XKR6: variants seen among roughly 807,000 people sequenced by gnomAD.
XKR6 encodes XK related 6.
A neutral mutation model predicts 56.7 loss-of-function variants in XKR6; 22 were observed. The ratio of observed to expected loss-of-function variants is 0.39; its 90% CI spans 0.28 to 0.55. The LOEUF is 0.55. Among genes scored for constraint, XKR6 ranks in the 20% least tolerant of loss-of-function variants. XKR6 has a pLI of 0.66. For synonymous variants in XKR6, 524 were observed against 387.8 expected (o/e 1.35, Z -4.13); for missense variants, 852 against 889.0 (o/e 0.96, Z 0.53).
chr8:11,139,233 A>G (rs1243271915), intron 1 of XKR6, among the ~76,000 whole-genome samples: 3 of 152,242 alleles, frequency 2.0e-5, no homozygotes, highest in Non-Finnish European at 4.4e-5. Flanking sequence ...GTACAAAACT[A>G]TAATTTTCTC....
At chr8:11,134,113 G>C (rs1037984062) in intron 1 of XKR6, among the ~76,000 whole-genome samples, 1 of 152,108 alleles carries the variant, frequency 6.6e-6, no homozygotes, top group South Asian at 2.1e-4. Flanking sequence ...TTCATTTGGA[G>C]AACTCTTACA....
chr8:10,974,004 G>C (rs1009268254), intron 1 of XKR6, among the ~76,000 whole-genome samples: 35 of 152,148 alleles, frequency 2.3e-4, no homozygotes, highest in African/African-American at 7.7e-4. Flanking sequence ...GGAAATTAAA[G>C]TCCAGAGAGG....
chr8:11,192,544 G>T (rs911225244), intron 1 of XKR6, among the ~76,000 whole-genome samples: 1 of 151,960 alleles, frequency 6.6e-6, no homozygotes, highest in African/African-American at 2.4e-5. Context: ...GAGCCTAGAA[G>T]TTCAAGGCTG....
At chr8:10,923,106 C>T (rs1260521209) in intron 2 of XKR6, among the ~76,000 whole-genome samples, 3 of 152,198 alleles carry the variant, frequency 2.0e-5, no homozygotes, top group African/African-American at 7.2e-5. Context: ...ATCCCCATAC[C>T]CCTCCTGCTT....
At chr8:10,907,210 G>A (rs1006399884) in intron 2 of XKR6, among the ~76,000 whole-genome samples, 2 of 152,132 alleles carry the variant, frequency 1.3e-5, no homozygotes, top group African/African-American at 4.8e-5. Flanking sequence ...AGGAGGATTT[G>A]GATATCTCAG....
In XKR6 at chr8:10,985,505, G is replaced by A. The variant is rs142895908; in HGVS notation, c.765-60675C>T. Among the ~76,000 whole-genome samples the A allele has an allele frequency of 1.7e-3, 256 of 150,504 alleles. 2 individuals are homozygous for A. The highest frequency in any genetic ancestry group is 3.4e-3 in the Middle Eastern group (1 of 290). ...AATTCTAAAGCTTGTTCCCTTAACC[G>A]TGACACTCTACTGCCTCCCACACAC... On this transcript the variant is annotated intron_variant, in intron 1 of 2. Coordinates refer to ENST00000416569, the MANE Select transcript of XKR6 (RefSeq NM_173683.4).
At chr8:10,944,487 C>T (rs1801475432) in intron 1 of XKR6, among the ~76,000 whole-genome samples, 1 of 152,180 alleles carries the variant, frequency 6.6e-6, no homozygotes. Flanking sequence ...CCATTCACCA[C>T]ACGGCAGGGC....
At chr8:10,972,556 A>G (rs1035819031) in intron 1 of XKR6, among the ~76,000 whole-genome samples, 1 of 152,224 alleles carries the variant, frequency 6.6e-6, no homozygotes, top group African/African-American at 2.4e-5. Flanking sequence ...TTCTGACATG[A>G]GCTACAACAT....
chr8:11,078,734 C>T (rs1365737562), intron 1 of XKR6, among the ~76,000 whole-genome samples: 3 of 152,108 alleles, frequency 2.0e-5, no homozygotes, highest in Non-Finnish European at 4.4e-5. Context: ...CTTCAGGACC[C>T]GTTAGGAAAT....
intron 1 of XKR6, among the ~76,000 whole-genome samples, chr8:10,956,881 A>C (rs1238312869): frequency 6.6e-6 from 1 of 152,126 alleles, no homozygotes; most frequent in Non-Finnish European, 1.5e-5. Context: ...TAAAGGTGAG[A>C]GCTTCCTTAA....
chr8:10,915,459 T>A (rs1470738170), intron 2 of XKR6, among the ~76,000 whole-genome samples: 1 of 152,144 alleles, frequency 6.6e-6, no homozygotes, highest in Non-Finnish European at 1.5e-5. Flanking sequence ...TGCTACTTCA[T>A]CTGCATTCAC....
chr8:10,987,598 C>T (rs1281901430), intron 1 of XKR6, among the ~76,000 whole-genome samples: 4 of 152,226 alleles, frequency 2.6e-5, no homozygotes, highest in Admixed American at 6.5e-5. Flanking sequence ...TTCCTCCCCA[C>T]ATTCCCACAG....
intron 1 of XKR6, among the ~76,000 whole-genome samples, chr8:11,000,894 G>C (rs1798223092): frequency 2.0e-5 from 3 of 152,134 alleles, no homozygotes; most frequent in Non-Finnish European, 4.4e-5. Context: ...ACGTGGTCCA[G>C]AGAGTATATC....
chr8:11,071,510 CTATGAG>C (rs1563117574), intron 1 of XKR6, among the ~76,000 whole-genome samples: 186 of 118,914 alleles, frequency 1.6e-3, no homozygotes, highest in Non-Finnish European at 2.2e-3. Flanking sequence ...AGCCCCGAGT[CTATGAG>C]CCCCGAGTCC....
chr8:10,918,045 C>T (rs982903046), intron 2 of XKR6, among the ~76,000 whole-genome samples: 9 of 152,182 alleles, frequency 5.9e-5, no homozygotes, highest in Admixed American at 5.2e-4. Flanking sequence ...ATCCCACATC[C>T]ATCTCCTCCA....
chr8:11,084,627 AT>A (rs2129170789), intron 1 of XKR6, among the ~76,000 whole-genome samples: 1 of 152,326 alleles, frequency 6.6e-6, no homozygotes, highest in South Asian at 2.1e-4. Flanking sequence ...AGCCTGGTGC[AT>A]TTCTTATTCA....
At chr8:11,142,160 G>A (rs1020834174) in intron 1 of XKR6, among the ~76,000 whole-genome samples, 2 of 152,124 alleles carry the variant, frequency 1.3e-5, no homozygotes, top group African/African-American at 4.8e-5. Context: ...GGAAGGCACA[G>A]AAGCAATGAT....
intron 1 of XKR6, among the ~76,000 whole-genome samples, chr8:10,934,730 T>G (rs1452616766): frequency 7.1e-6 from 1 of 140,298 alleles, no homozygotes; most frequent in East Asian, 2.0e-4. Flanking sequence ...GAACCAGCCT[T>G]GCATCCCAGG....
intron 1 of XKR6, among the ~76,000 whole-genome samples, chr8:11,187,695 G>T (rs1310511798): frequency 6.6e-6 from 1 of 152,118 alleles, no homozygotes; most frequent in Non-Finnish European, 1.5e-5. Flanking sequence ...GTGGGCATGG[G>T]GGTGGCTGGT....
Sources: allele counts gnomAD v4.1 joint callset (sites outside exome capture counted in the v4.1 genomes callset), GRCh38; gene constraint gnomAD v4.1.1; transcripts MANE v1.5; gene names NCBI Gene and HGNC (gene_info 2026-07-23, HGNC 2026-07-21).